Variants in EVC observed in about 807,000 individuals in gnomAD.
The protein encoded by EVC is evC complex member EVC.
A neutral mutation model predicts 118.9 loss-of-function variants in EVC; 116 were observed. That is an observed-to-expected ratio of 0.98 (90% confidence interval 0.84 to 1.14). The LOEUF is 1.14. Ranked by LOEUF, EVC falls within the 50% of genes most tolerant of loss-of-function variation. The pLI, the probability that EVC is intolerant of heterozygous loss-of-function variation, is 0.00. For missense variants in EVC, 1,401 were observed against 1,246.4 expected (o/e 1.12, Z -1.87); for synonymous variants, 619 against 534.7 (o/e 1.16, Z -2.18).
rs1303401578 is a variant in EVC at position 5,810,461 on chromosome 4, G to A, written c.2894+11G>A. Reference sequence around the variant, plus strand: ...CTCAGGCTCACTCAGGTATGACTGGGCCCCGGACCTGTTGCCTGTGGCTGG... The same window carrying A: ...CTCAGGCTCACTCAGGTATGACTGGACCCCGGACCTGTTGCCTGTGGCTGG... On this transcript the variant is annotated intron_variant, in intron 20 of 20. Transcript: ENST00000264956. The A allele has an allele frequency of 1.3e-6, 2 of 1,599,360 alleles. No individual in the cohort carries two copies. Among genetic ancestry groups the A allele is most frequent in the South Asian group, 1.1e-5 (1 of 88,584 alleles).
intron 1 of EVC, among the ~76,000 whole-genome samples, chr4:5,717,604 C>G (rs979869163): frequency 5.3e-5 from 8 of 152,214 alleles, no homozygotes; most frequent in Admixed American, 2.0e-4. Context: ...CTGGCTTCAT[C>G]ATCCACCCCA....
At chr4:5,801,855 T>C in intron 15 of EVC, 95 bp from the exon 16 acceptor site, 1 of 1,435,154 alleles carries the variant, frequency 7.0e-7, no homozygotes, top group Non-Finnish European at 9.6e-7. Flanking sequence ...GTGGAAGATC[T>C]GAACCAGGGC....
In EVC at chr4:5,742,252, C is replaced by G. The variant is rs12501467; in HGVS notation, c.801+438C>G. Among the ~76,000 whole-genome samples, 21,581 of 152,168 alleles carry G rather than the reference C, an allele frequency of 0.14. 1,940 individuals carry two copies. Among genetic ancestry groups the G allele is most frequent in the East Asian group, 0.32 (1,660 of 5,162 alleles). ...GTTGGTATCCTGGCTTTATCTTTTACAAGCTCTCAGAATCGTAGTTTCCTT... is the reference window on the plus strand; with the variant it reads ...GTTGGTATCCTGGCTTTATCTTTTAGAAGCTCTCAGAATCGTAGTTTCCTT... On this transcript the variant is annotated intron_variant, in intron 6 of 20. Coordinates refer to ENST00000264956, the MANE Select transcript of EVC (RefSeq NM_153717.3). This position sits in a 1 kb window ranked among gnomAD's most constrained non-coding sequence, Gnocchi z 5.2.
chr4:5,799,702 C>T (rs190860624), intron 15 of EVC, among the ~76,000 whole-genome samples: 96 of 152,304 alleles, frequency 6.3e-4, no homozygotes, highest in African/African-American at 2.0e-3. Context: ...AGTGCAGGAG[C>T]CCTTCCAGGA....
chr4:5,802,092 AG>A lies in EVC; in HGVS notation c.2449+1del. 1 of 1,600,352 alleles carries A rather than the reference AG, an allele frequency of 6.2e-7. No individual in the cohort carries two copies. The highest frequency in any genetic ancestry group is 1.4e-5 in the African/African-American group (1 of 73,962). On this transcript the variant is annotated frameshift_variant and splice_region_variant, in exon 16 of 21. Transcript: ENST00000264956. LOFTEE classifies it high-confidence loss of function. ...AAACTGCAGCACCTGAAGACCCTGC[AG>A]GGTACGGGACCCCCCCTCAGGGAAG... Reference protein sequence around the residue: ...ERKLQHLKTLQGERMENYKLR... With the variant: ...ERKLQHLKTLXGERMENYKLR...
chr4:5,751,855 G>T (rs979333017), intron 8 of EVC, among the ~76,000 whole-genome samples: 5 of 152,304 alleles, frequency 3.3e-5, no homozygotes, highest in African/African-American at 1.2e-4. Flanking sequence ...CAGGAGGAAG[G>T]CCCCGCATGT....
chr4:5,816,790 T>A (rs1018500748), downstream of EVC, among the ~76,000 whole-genome samples: 1 of 151,890 alleles, frequency 6.6e-6, no homozygotes, highest in African/African-American at 2.4e-5. Context: ...CTCCTCATTT[T>A]GCCTCACAGA....
intron 11 of EVC, among the ~76,000 whole-genome samples, chr4:5,759,681 A>G (rs1444903249): frequency 2.0e-5 from 3 of 152,238 alleles, no homozygotes; most frequent in African/African-American, 7.2e-5. Context: ...AACCAGGCTG[A>G]CAGCCTGAGT....
rs570811612 is a variant in EVC, at chr4:5,742,192, G to A, written c.801+378G>A. ...GAAAGTTTATTTTGTCTCAGGCGCA[G>A]CAAAGAGTCAGGGCTTGGAGTCAGA... On this transcript the variant is annotated intron_variant, in intron 6 of 20. Transcript: ENST00000264956. This position sits in a 1 kb window ranked among gnomAD's most constrained non-coding sequence, Gnocchi z 5.2. Among the ~76,000 whole-genome samples the A allele has an allele frequency of 3.2e-4, 49 of 150,988 alleles. No individual in the cohort carries two copies. The highest frequency in any genetic ancestry group is 1.1e-3 in the African/African-American group (47 of 41,494).
intron 2 of EVC, among the ~76,000 whole-genome samples, chr4:5,722,318 C>T (rs1725093944): frequency 6.6e-6 from 1 of 152,208 alleles, no homozygotes; most frequent in Non-Finnish European, 1.5e-5. Context: ...ATGTCTTGTT[C>T]ACTATTCAGC....
rs921573510 is a variant in EVC at position 5,748,282 on chromosome 4, C to T, written c.1074C>T (p.Cys358=). The part of the protein sequence containing the change: ...ERMIAAEGLL[C]DSQELQALDA... Reference sequence around the variant, plus strand: ...TGATTGCAGCCGAAGGGCTATTGTGCGATTCTCAGGAGCTGCAGGCTCTGG... The same window carrying T: ...TGATTGCAGCCGAAGGGCTATTGTGTGATTCTCAGGAGCTGCAGGCTCTGG... Residue 358 remains cysteine, a synonymous_variant, in exon 8 of 21, where the codon TGC becomes TGT. Coordinates refer to ENST00000264956, the MANE Select transcript of EVC (RefSeq NM_153717.3). 12 of 1,613,932 alleles carry T rather than the reference C, an allele frequency of 7.4e-6. No individual in the cohort carries two copies. Among genetic ancestry groups the T allele is most frequent in the South Asian group, 1.1e-5 (1 of 91,070 alleles).
intron 12 of EVC, among the ~76,000 whole-genome samples, chr4:5,786,740 C>G (rs1440481166): frequency 4.6e-5 from 7 of 152,046 alleles, no homozygotes; most frequent in African/African-American, 7.2e-5. Context: ...AGTGTGATGA[C>G]AGGTGCCTGT....
chr4:5,781,758 T>C (rs751662424), intron 11 of EVC, among the ~76,000 whole-genome samples: 5 of 152,116 alleles, frequency 3.3e-5, no homozygotes, highest in African/African-American at 4.8e-5. Context: ...GAGGGTCACC[T>C]GAGTCCAGGA....
chr4:5,761,375 A>T (rs550525569), intron 11 of EVC, among the ~76,000 whole-genome samples: 4 of 151,900 alleles, frequency 2.6e-5, no homozygotes, highest in Non-Finnish European at 4.4e-5. Flanking sequence ...GTCACAATCA[A>T]TCGAGGTTTA....
rs1399011348 is a variant in EVC at position 5,808,262 on chromosome 4, C to T, written c.2623C>T (p.His875Tyr). ...QFPVHQQMRLHAQQQQAGVMD... is the reference protein window; with the variant it reads ...QFPVHQQMRLYAQQQQAGVMD... ...CCCAGTGCACCAGCAGATGCGTCTGCACGCCCAGCAGCAGCAGGCAGGAGT... is the reference window on the plus strand; with the variant it reads ...CCCAGTGCACCAGCAGATGCGTCTGTACGCCCAGCAGCAGCAGGCAGGAGT... Residue 875 changes from histidine (H) to tyrosine (Y), a missense_variant, in exon 18 of 21, where the codon CAC (histidine) becomes TAC (tyrosine). Physicochemically the swap from His to Tyr is moderately conservative, Grantham distance 83. Transcript: ENST00000264956. The T allele has an allele frequency of 1.2e-6, 2 of 1,614,144 alleles. No individual in the cohort carries two copies. Among genetic ancestry groups the T allele is most frequent in the Non-Finnish European group, 1.7e-6 (2 of 1,180,034 alleles).
chr4:5,822,354 G>A, the EVC span, among the ~76,000 whole-genome samples: 1 of 152,100 alleles, frequency 6.6e-6, no homozygotes, highest in Non-Finnish European at 1.5e-5. Context: ...ATGATCTTAG[G>A]CACACTGTCC....
chr4:5,752,387 C>A (rs1051335379), intron 8 of EVC, among the ~76,000 whole-genome samples: 2 of 152,084 alleles, frequency 1.3e-5, no homozygotes, highest in African/African-American at 2.4e-5. Flanking sequence ...AAATCTCGGC[C>A]GTCCTCAGCA....
chr4:5,815,735 C>G (rs147213644), downstream of EVC, among the ~76,000 whole-genome samples: 6 of 152,312 alleles, frequency 3.9e-5, no homozygotes, highest in African/African-American at 1.4e-4. Context: ...CTCTATAGCC[C>G]TTAACAGAGT....
the EVC span, chr4:5,828,773 GTT>G: frequency 1.5e-6 from 2 of 1,295,706 alleles, no homozygotes; most frequent in Non-Finnish European, 2.1e-6. Context: ...GTGTTCCAAT[GTT>G]TTTTTTTCTC....
Sources: allele counts gnomAD v4.1 joint callset (sites outside exome capture counted in the v4.1 genomes callset), GRCh38; gene constraint gnomAD v4.1.1; non-coding constraint Gnocchi (gnomAD v3.1); transcripts MANE v1.5; gene names NCBI Gene and HGNC (gene_info 2026-07-23, HGNC 2026-07-21).